Variants in FLRT1 observed in about 807,000 individuals in gnomAD.
FLRT1 encodes leucine-rich repeat transmembrane protein FLRT1.
FLRT1 carries 14 observed loss-of-function variants against 30.9 expected under a neutral mutation model. That is an observed-to-expected ratio of 0.45 (90% CI 0.30 to 0.71). The LOEUF (loss-of-function observed/expected upper bound fraction) is 0.71. Ranked by LOEUF, FLRT1 falls within the 30% of genes least tolerant of loss-of-function variation. The pLI, the probability that FLRT1 is intolerant of heterozygous loss-of-function variation, is 0.08. For missense variants in FLRT1, 737 were observed against 949.2 expected (o/e 0.78, Z 2.94); for synonymous variants, 368 against 430.4 (o/e 0.85, Z 1.80).
intron 1 of FLRT1, among the ~76,000 whole-genome samples, chr11:64,048,300 G>T (rs972594922): frequency 6.6e-6 from 1 of 152,362 alleles, no homozygotes; most frequent in Admixed American, 6.5e-5. Context: ...CCCATGGGAG[G>T]TGCAGACAGA....
At chr11:64,115,507 T>C (rs1188494533) in intron 2 of FLRT1, among the ~76,000 whole-genome samples, 1 of 152,088 alleles carries the variant, frequency 6.6e-6, no homozygotes, top group East Asian at 1.9e-4. Flanking sequence ...TTTCTGTAAA[T>C]ACATGAGAAA....
At chr11:64,071,176 C>T (rs1161024638) in intron 1 of FLRT1, among the ~76,000 whole-genome samples, 3 of 152,074 alleles carry the variant, frequency 2.0e-5, no homozygotes. Flanking sequence ...TCCTCTAAGG[C>T]CCCTGGTTTC....
At chr11:64,076,939 G>A (rs1565221610) in intron 1 of FLRT1, among the ~76,000 whole-genome samples, 1 of 152,320 alleles carries the variant, frequency 6.6e-6, no homozygotes, top group East Asian at 1.9e-4. Flanking sequence ...TCAGCACGGA[G>A]AGAATTTTCA....
Position 64,116,324 on chromosome 11 carries a change from G to C in FLRT1, c.57G>C (p.Thr19=), listed in dbSNP as rs547325012. 6.2e-7 allele frequency: 1 copy of C among 1,609,738 alleles called. No homozygotes were observed. Among genetic ancestry groups the C allele is most frequent in the Admixed American group, 1.7e-5 (1 of 59,682 alleles). Residue 19 remains threonine (T), a synonymous_variant, in exon 3 of 3, where the codon ACG becomes ACC. Transcript: ENST00000682287. The stretch of plus-strand genomic sequence containing the variant: ...CCACCACGCCCACTGCCACTGTCAC[G>C]GCCACCGTTGTGATGACCACGGCCA... ...TATTTPTATV[T]ATVVMTTATM...
chr11:64,061,184 C>A (rs1943896325), intron 1 of FLRT1, among the ~76,000 whole-genome samples: 1 of 152,244 alleles, frequency 6.6e-6, no homozygotes, highest in African/African-American at 2.4e-5. Flanking sequence ...ATGGATTTGC[C>A]AGTAAATAAG....
chr11:64,048,596 T>C (rs1406087936), intron 1 of FLRT1, among the ~76,000 whole-genome samples: 1 of 152,216 alleles, frequency 6.6e-6, no homozygotes. Context: ...CAGCAGGGGC[T>C]GCAGCCCCAG....
chr11:64,104,210 C>T (rs769156052), intron 2 of FLRT1, 29 bp downstream of exon 2: 8 of 152,338 alleles, frequency 5.3e-5, no homozygotes, highest in Non-Finnish European at 1.0e-4. Flanking sequence ...GGAAGAGGGA[C>T]GCGAATTCAG....
chr11:64,102,602 C>A (rs1420453153), intron 1 of FLRT1, among the ~76,000 whole-genome samples: 2 of 152,148 alleles, frequency 1.3e-5, no homozygotes, highest in African/African-American at 4.8e-5. Flanking sequence ...GCCAGGAGCT[C>A]GAAAAACTTC....
chr11:64,097,099 T>A (rs2845594), intron 1 of FLRT1, among the ~76,000 whole-genome samples: 1 of 152,186 alleles, frequency 6.6e-6, no homozygotes, highest in Non-Finnish European at 1.5e-5. Flanking sequence ...CACTGGCAGC[T>A]GTTTCTAGGT....
intron 1 of FLRT1, among the ~76,000 whole-genome samples, chr11:64,054,978 C>T (rs947914737): frequency 6.6e-6 from 1 of 152,186 alleles, no homozygotes; most frequent in East Asian, 1.9e-4. Flanking sequence ...TCCTACCAGC[C>T]CTTTCCTACC....
intron 1 of FLRT1, among the ~76,000 whole-genome samples, chr11:64,093,178 C>A (rs1322068344): frequency 6.6e-6 from 1 of 152,174 alleles, no homozygotes; most frequent in East Asian, 1.9e-4. Context: ...AGTGAGGCGA[C>A]GTGTGAATAG....
At chr11:64,074,749 C>T (rs1267584167) in intron 1 of FLRT1, among the ~76,000 whole-genome samples, 2 of 152,164 alleles carry the variant, frequency 1.3e-5, no homozygotes, top group African/African-American at 2.4e-5. Context: ...CCAGGGGTGA[C>T]CAGGCTCCAG....
At chr11:64,083,251 C>A (rs1349441308) in intron 1 of FLRT1, among the ~76,000 whole-genome samples, 1 of 152,136 alleles carries the variant, frequency 6.6e-6, no homozygotes, top group Non-Finnish European at 1.5e-5. Flanking sequence ...GCCTTGGCAA[C>A]ATGGTGAAAC....
chr11:64,039,849 C>T (rs976525411), intron 1 of FLRT1, among the ~76,000 whole-genome samples: 8 of 152,158 alleles, frequency 5.3e-5, no homozygotes, highest in African/African-American at 1.9e-4. Context: ...TTTAAAATGA[C>T]AACCTGCAGA....
At chr11:64,054,493 G>A (rs1011981302) in intron 1 of FLRT1, among the ~76,000 whole-genome samples, 3 of 151,938 alleles carry the variant, frequency 2.0e-5, no homozygotes, top group African/African-American at 4.8e-5. Context: ...CAGTACCCTC[G>A]GCAGCCCTCA....
intron 2 of FLRT1, among the ~76,000 whole-genome samples, chr11:64,107,934 G>T (rs189152099): frequency 6.6e-5 from 10 of 152,208 alleles, no homozygotes; most frequent in Non-Finnish European, 1.5e-4. Context: ...CTCATTGCTA[G>T]TAATGGTAAT....
In FLRT1 at chr11:64,119,065, C is replaced by A; in HGVS notation, c.*773C>A. Reference sequence around the variant, plus strand: ...CATCTGTCTGCCTGTCTATCCCTGTCGCGGTGTCTCTAAGTACAGATGGGT... The same window carrying A: ...CATCTGTCTGCCTGTCTATCCCTGTAGCGGTGTCTCTAAGTACAGATGGGT... On this transcript the variant is annotated 3_prime_UTR_variant, in exon 3 of 3. Transcript: ENST00000682287. 1 of 167,414 alleles carries A rather than the reference C, an allele frequency of 6.0e-6. No individual in the cohort carries two copies. 10.4% of individuals were successfully genotyped at this position (167,414 alleles called of 1,614,324 possible). A position where few individuals can be genotyped will look rare whatever the true frequency, so the allele number is the denominator to read the frequency against.
intron 1 of FLRT1, among the ~76,000 whole-genome samples, chr11:64,086,380 C>G (rs913870979): frequency 5.9e-5 from 9 of 152,104 alleles, no homozygotes; most frequent in African/African-American, 2.2e-4. Flanking sequence ...GCCCTTGTGA[C>G]TACCCCCGAG....
chr11:64,095,977 C>G lies in FLRT1; in HGVS notation c.-1037-7217C>G, dbSNP rs576196856. On this transcript the variant is annotated intron_variant, in intron 1 of 2. Coordinates refer to ENST00000682287, the MANE Select transcript of FLRT1 (RefSeq NM_013280.5). ...GGGGAGTCTCCAGCAGTGGTCCCCC[C>G]ACCCCCCAGGGGCCCATGAGCCTGC... is the stretch of plus-strand genomic sequence containing the variant. Among the ~76,000 whole-genome samples the G allele has an allele frequency of 1.5e-4, 5 of 34,368 alleles. No individual in the cohort carries two copies. The Admixed American group carries it at 1.5e-3, about 10-fold the overall frequency. 22.5% of individuals were successfully genotyped at this position (34,368 alleles called of 152,430 possible). A position where few individuals can be genotyped will look rare whatever the true frequency, so the allele number is the denominator to read the frequency against.
Sources: gnomAD v4.1 joint callset for allele counts (sites outside exome capture counted in the v4.1 genomes callset) on GRCh38, gnomAD v4.1.1 for gene constraint, MANE v1.5 for transcripts, NCBI Gene and HGNC (gene_info 2026-07-23, HGNC 2026-07-21) for gene names.